The following CLTCL1 variants were observed in gnomAD, a reference collection of about 807,000 sequenced individuals.
CLTCL1 encodes the protein clathrin heavy chain 2.
In CLTCL1, 159 loss-of-function variants were observed where a neutral mutation model predicts 190.0. The ratio of observed to expected loss-of-function variants is 0.84; its 90% CI spans 0.74 to 0.95. The LOEUF is 0.95. Among genes scored for constraint, CLTCL1 ranks in the 40% least tolerant of loss-of-function variants. The probability of loss-of-function intolerance (pLI) is 0.00; values close to 1 mark genes in which losing one functional copy is unlikely to be tolerated. For synonymous variants in CLTCL1, 752 were observed against 769.6 expected (o/e 0.98, Z 0.38); for missense variants, 1,878 against 2,033.4 (o/e 0.92, Z 1.47).
At chr22:19,202,399 C>G in intron 22 of CLTCL1, among the ~76,000 whole-genome samples, 1 of 150,898 alleles carries the variant, frequency 6.6e-6, no homozygotes, top group Non-Finnish European at 1.5e-5. Flanking sequence ...ACCAACCCTC[C>G]TTCCGCCATC....
chr22:19,180,866 TG>T, intron 30 of CLTCL1, 60 bp from the exon 31 acceptor site: 1 of 1,494,216 alleles, frequency 6.7e-7, no homozygotes, highest in East Asian at 2.3e-5. Flanking sequence ...GGCCTCTAGG[TG>T]AAAGTGGAGT....
rs563682204 is a variant in CLTCL1, at chr22:19,252,088, G to A, written c.519+1871C>T. 4.3e-4 allele frequency among the ~76,000 whole-genome samples: 65 copies of A among 152,218 alleles called. No homozygotes were observed. In the South Asian group the frequency reaches 7.9e-3, roughly 18 times the overall value. ...ATGGAAGTACTCCTTCCCTGTTTGC[G>A]TATTCTTAACCTTTCTCATACATGT... On this transcript the variant is annotated intron_variant, in intron 3 of 32. Transcript: ENST00000427926.
chr22:19,223,763 G>T, intron 14 of CLTCL1, 128 bp downstream of exon 14: 1 of 1,034,402 alleles, frequency 9.7e-7, no homozygotes, highest in Non-Finnish European at 1.4e-6. Flanking sequence ...GTGGAGCTCT[G>T]TCCCTGGGAC....
chr22:19,281,220 A>T (rs982643020), intron 1 of CLTCL1, among the ~76,000 whole-genome samples: 2 of 151,278 alleles, frequency 1.3e-5, no homozygotes, highest in African/African-American at 2.4e-5. Context: ...GCGTGAACCC[A>T]GGAGGCAGAG....
rs565348248 is a variant in CLTCL1, at chr22:19,188,648, G to A, written c.4324-557C>T. On this transcript the variant is annotated intron_variant, in intron 27 of 32. Coordinates refer to ENST00000427926, the MANE Select transcript of CLTCL1 (RefSeq NM_007098.4). ...TTTTTTTTGAGATGGAGTCTTGCTC[G>A]TCGCCCACACTGGAGTGCAGTGCCG... Among the ~76,000 whole-genome samples, 17 of 146,476 alleles carry A rather than the reference G, an allele frequency of 1.2e-4. No homozygotes were observed. The South Asian group carries it at 3.4e-3, about 30-fold the overall frequency.
At chr22:19,277,633 T>G (rs1234658655) in intron 1 of CLTCL1, among the ~76,000 whole-genome samples, 2 of 152,206 alleles carry the variant, frequency 1.3e-5, no homozygotes, top group Non-Finnish European at 2.9e-5. Context: ...GTTCCAACGT[T>G]GGGTTATAGC....
At chr22:19,289,798 G>A (rs781964807) in intron 1 of CLTCL1, among the ~76,000 whole-genome samples, 6 of 152,196 alleles carry the variant, frequency 3.9e-5, no homozygotes, top group Non-Finnish European at 5.9e-5. Context: ...AAGGGTGGCT[G>A]CAGACAAACA....
Position 19,233,394 on chromosome 22 carries a change from G to A in CLTCL1, c.1368+28C>T, listed in dbSNP as rs377452571. The A allele has an allele frequency of 5.6e-6, 9 of 1,613,102 alleles. No homozygotes were observed. The South Asian group carries it at 6.6e-5, about 12-fold the overall frequency. On this transcript the variant is annotated intron_variant, in intron 8 of 32. Transcript: ENST00000427926. ...GGACCAAGTTTTCAAGCTGTGCGGG[G>A]GGGCTACGAGCTCACAAGTGTTTCT...
At chr22:19,201,719 G>A (rs2084893377) in intron 22 of CLTCL1, among the ~76,000 whole-genome samples, 1 of 152,012 alleles carries the variant, frequency 6.6e-6, no homozygotes, top group African/African-American at 2.4e-5. Context: ...ATCTAACCCT[G>A]CGTTCTGGCA....
intron 3 of CLTCL1, among the ~76,000 whole-genome samples, chr22:19,248,616 G>C (rs201374536): frequency 6.6e-6 from 1 of 152,168 alleles, no homozygotes; most frequent in East Asian, 1.9e-4. Context: ...TGTGTCTATA[G>C]GTCAGACTAT....
chr22:19,225,756 A>C, intron 12 of CLTCL1, 123 bp from the exon 13 acceptor site: 1 of 921,934 alleles, frequency 1.1e-6, no homozygotes, highest in Non-Finnish European at 1.6e-6. Flanking sequence ...TTTCCACATA[A>C]AGGGGTTGAA....
intron 28 of CLTCL1, 79 bp downstream of exon 28, chr22:19,187,902 G>A: frequency 6.8e-7 from 1 of 1,466,410 alleles, no homozygotes; most frequent in Non-Finnish European, 9.5e-7. Flanking sequence ...TGCAAAGGCA[G>A]CCTGCTTTGA....
Position 19,259,357 on chromosome 22 carries a change from C to T in CLTCL1, c.251-5130G>A, listed in dbSNP as rs145465614. ...CTGACCTCAGGTGATCTGCCCGCCTCGGCCTCCCAAAGTGCTGGGATTACA... is the reference window on the plus strand; with the variant it reads ...CTGACCTCAGGTGATCTGCCCGCCTTGGCCTCCCAAAGTGCTGGGATTACA... On this transcript the variant is annotated intron_variant, in intron 2 of 32. Coordinates refer to ENST00000427926, the MANE Select transcript of CLTCL1 (RefSeq NM_007098.4). Among the ~76,000 whole-genome samples, 1,451 of 152,198 alleles carry T rather than the reference C, an allele frequency of 9.5e-3. 36 individuals are homozygous for T. The highest frequency in any genetic ancestry group is 0.068 in the East Asian group (353 of 5,170).
intron 4 of CLTCL1, among the ~76,000 whole-genome samples, 159 bp downstream of exon 4, chr22:19,242,616 G>A (rs1158172866): frequency 6.6e-6 from 1 of 152,120 alleles, no homozygotes; most frequent in African/African-American, 2.4e-5. Flanking sequence ...GGGGAATGGG[G>A]CCACTTAATC....
At chr22:19,275,327 C>G (rs982186311) in intron 2 of CLTCL1, among the ~76,000 whole-genome samples, 6 of 152,032 alleles carry the variant, frequency 3.9e-5, no homozygotes, top group Admixed American at 3.9e-4. Context: ...ACACAGCCTT[C>G]CTGGGAAACA....
intron 5 of CLTCL1, among the ~76,000 whole-genome samples, 174 bp downstream of exon 5, chr22:19,239,101 G>A (rs1050294643): frequency 1.4e-4 from 22 of 152,086 alleles, no homozygotes; most frequent in Admixed American, 1.4e-3. Flanking sequence ...TCCTTTCTAC[G>A]AACAGGGCTT....
chr22:19,236,624 G>A (rs2086089701), intron 5 of CLTCL1, among the ~76,000 whole-genome samples: 2 of 152,140 alleles, frequency 1.3e-5, no homozygotes, highest in Non-Finnish European at 2.9e-5. Flanking sequence ...ATAATTAAGA[G>A]CCCTGAAAGA....
In CLTCL1 at chr22:19,221,543, T is replaced by C. The variant is rs1256797299; in HGVS notation, c.2630A>G (p.Asn877Ser). 2 of 1,605,966 alleles carry C rather than the reference T, an allele frequency of 1.2e-6. No individual in the cohort carries two copies. The highest frequency in any genetic ancestry group is 1.7e-6 in the Non-Finnish European group (2 of 1,176,222). Residue 877 changes from asparagine (N) to serine (S), a missense_variant, in exon 17 of 33, where the codon AAT becomes AGT. Asn to Ser is a conservative substitution (Grantham distance 46). Transcript: ENST00000427926. ...GTCGATGTAGATTTTAGCCAGTGCA[T>C]TGTGAGTGGCAGGCTCCTCACAGCC... is the stretch of plus-strand genomic sequence containing the variant. ...QEGCEEPATH[N>S]ALAKIYIDSN...
At chr22:19,264,701 T>C (rs890142288) in intron 2 of CLTCL1, among the ~76,000 whole-genome samples, 2 of 152,168 alleles carry the variant, frequency 1.3e-5, no homozygotes, top group South Asian at 2.1e-4. Context: ...TAACAGAAAG[T>C]CTTTAATGAT....
Sources: gnomAD v4.1 joint callset for allele counts (sites outside exome capture counted in the v4.1 genomes callset) on GRCh38, gnomAD v4.1.1 for gene constraint, MANE v1.5 for transcripts, NCBI Gene and HGNC (gene_info 2026-07-23, HGNC 2026-07-21) for gene names.